Variants in DDX50 observed in about 807,000 individuals in gnomAD.
DDX50 encodes ATP-dependent RNA helicase DDX50.
In DDX50, 56 loss-of-function variants were observed where a neutral mutation model predicts 94.8. The ratio of observed to expected loss-of-function variants is 0.59; its 90% CI spans 0.48 to 0.74. The LOEUF (loss-of-function observed/expected upper bound fraction) is 0.74, where lower values mean the gene tolerates loss of function less well. Among genes scored for constraint, DDX50 ranks in the 30% least tolerant of loss-of-function variants. DDX50 has a pLI of 0.00. For synonymous variants in DDX50, 264 were observed against 295.4 expected (o/e 0.89, Z 1.09); for missense variants, 713 against 881.2 (o/e 0.81, Z 2.42).
intron 7 of DDX50, among the ~76,000 whole-genome samples, chr10:68,914,688 TAA>T (rs1841730709): frequency 6.6e-6 from 1 of 152,190 alleles, no homozygotes; most frequent in Non-Finnish European, 1.5e-5. Context: ...CGTAGGTGAA[TAA>T]AGAGTTTTTT....
chr10:68,909,693 G>A (rs140367977), intron 2 of DDX50, among the ~76,000 whole-genome samples: 10 of 151,748 alleles, frequency 6.6e-5, no homozygotes, highest in South Asian at 2.1e-4. Flanking sequence ...ACAGAGTTTC[G>A]CTCTTGTTGC....
intron 8 of DDX50, among the ~76,000 whole-genome samples, chr10:68,932,228 A>G (rs1361775170): frequency 6.6e-6 from 1 of 152,184 alleles, no homozygotes; most frequent in East Asian, 1.9e-4. Flanking sequence ...TTAGATACCA[A>G]GGCTGAAATA....
chr10:68,902,445 C>G (rs747796208), intron 1 of DDX50, among the ~76,000 whole-genome samples: 2 of 152,164 alleles, frequency 1.3e-5, no homozygotes, highest in Non-Finnish European at 2.9e-5. Flanking sequence ...GCCATTTCAG[C>G]TAACACTTTT....
intron 8 of DDX50, among the ~76,000 whole-genome samples, chr10:68,929,063 G>T (rs565542072): frequency 1.3e-5 from 2 of 150,890 alleles, no homozygotes; most frequent in South Asian, 2.1e-4. Context: ...ATTCTCCTGC[G>T]TCAGCCTCCC....
chr10:68,901,533 T>C (rs1343317475), intron 1 of DDX50, 62 bp downstream of exon 1: 92 of 1,498,402 alleles, frequency 6.1e-5, no homozygotes, highest in Non-Finnish European at 3.6e-6. Context: ...GGAGGGGAAC[T>C]GTCTGTCCCT....
intron 8 of DDX50, among the ~76,000 whole-genome samples, chr10:68,927,247 T>TTA (rs1444380104): frequency 2.6e-5 from 4 of 152,206 alleles, no homozygotes; most frequent in Non-Finnish European, 4.4e-5. Context: ...ACTGTCCAAC[T>TTA]TATTTATAGT....
Position 68,934,216 on chromosome 10 carries a change from T to TG in DDX50, c.1261dup (p.Asp421GlyfsTer18), listed in dbSNP as rs1359825678. ...TCAAATAGAATGCCCAGTGTTTACA[T>TG]GGGGACATTGCACAGTCACAAAGAG... On this transcript the variant is annotated frameshift_variant, in exon 9 of 15. Coordinates refer to ENST00000373585, the MANE Select transcript of DDX50 (RefSeq NM_024045.2). LOFTEE classifies it high-confidence loss of function. The surrounding 1 kb of genome is among the most constrained non-coding windows in gnomAD (Gnocchi z 4.0). The TG allele has an allele frequency of 1.2e-6, 2 of 1,611,786 alleles. No homozygotes were observed. Among genetic ancestry groups the TG allele is most frequent in the Non-Finnish European group, 1.7e-6 (2 of 1,179,736 alleles).
intron 10 of DDX50, among the ~76,000 whole-genome samples, chr10:68,935,672 T>G (rs1478345532): frequency 3.3e-5 from 5 of 152,006 alleles, no homozygotes; most frequent in African/African-American, 9.7e-5. Flanking sequence ...CCATCTCTAC[T>G]AAAAATACCA....
Position 68,934,928 on chromosome 10 carries a change from G to A in DDX50, c.1521+10G>A, listed in dbSNP as rs1842368949. 1.9e-6 allele frequency: 3 copies of A among 1,608,936 alleles called. No homozygotes were observed. The highest frequency in any genetic ancestry group is 2.5e-6 in the Non-Finnish European group (3 of 1,178,038). ...TGTGGAACAAAAAGCAGTAAGTAGA[G>A]TTAAATTATTTCAGGCTTATTGTCT... On this transcript the variant is annotated intron_variant, in intron 10 of 14. Transcript: ENST00000373585. This position sits in a 1 kb window ranked among gnomAD's most constrained non-coding sequence, Gnocchi z 4.0.
At chr10:68,940,414 G>T (rs1842528685) in intron 12 of DDX50, among the ~76,000 whole-genome samples, 1 of 150,474 alleles carries the variant, frequency 6.6e-6, no homozygotes, top group Non-Finnish European at 1.5e-5. Flanking sequence ...AATTTATGTT[G>T]TATTTACTTT....
intron 12 of DDX50, among the ~76,000 whole-genome samples, chr10:68,938,271 C>CTG (rs1217944019): frequency 2.0e-5 from 3 of 152,048 alleles, no homozygotes; most frequent in Admixed American, 6.6e-5. Context: ...TAAGAAATGC[C>CTG]TGTGTGTGTG....
At chr10:68,907,273 C>T (rs534352628) in intron 2 of DDX50, among the ~76,000 whole-genome samples, 4 of 149,152 alleles carry the variant, frequency 2.7e-5, no homozygotes, top group African/African-American at 7.4e-5. Context: ...TAAAGTTATT[C>T]GGAATTGCTT....
At chr10:68,922,945 C>T (rs1259557058) in intron 8 of DDX50, among the ~76,000 whole-genome samples, 1 of 150,878 alleles carries the variant, frequency 6.6e-6, no homozygotes, top group Non-Finnish European at 1.5e-5. Context: ...GCGCATGCCA[C>T]CACACCCAGC....
intron 1 of DDX50, among the ~76,000 whole-genome samples, chr10:68,902,451 C>A (rs1841320952): frequency 6.6e-6 from 1 of 152,162 alleles, no homozygotes; most frequent in Admixed American, 6.5e-5. Flanking sequence ...TCAGCTAACA[C>A]TTTTATTGTG....
intron 4 of DDX50, among the ~76,000 whole-genome samples, 175 bp from the exon 5 acceptor site, chr10:68,912,987 G>A (rs943270615): frequency 2.6e-5 from 4 of 152,106 alleles, no homozygotes; most frequent in African/African-American, 7.2e-5. Flanking sequence ...AAGTAAGGGG[G>A]GAATGTAATA....
At chr10:68,905,894 C>G (rs1841431810) in intron 1 of DDX50, among the ~76,000 whole-genome samples, 1 of 152,156 alleles carries the variant, frequency 6.6e-6, no homozygotes, top group Non-Finnish European at 1.5e-5. Flanking sequence ...GCCTGGGTGA[C>G]AGAGCAAAAC....
intron 4 of DDX50, 143 bp downstream of exon 4, chr10:68,911,389 AAG>A: frequency 1.1e-6 from 1 of 874,032 alleles, no homozygotes; most frequent in Non-Finnish European, 1.6e-6. Context: ...TTTTCACAAA[AAG>A]AAATTTCAAG....
intron 8 of DDX50, among the ~76,000 whole-genome samples, chr10:68,931,312 C>A (rs1842255199): frequency 6.7e-6 from 1 of 149,528 alleles, no homozygotes; most frequent in Admixed American, 6.7e-5. Flanking sequence ...CACCGATAAC[C>A]TCTTTATTTC....
At chr10:68,905,341 A>G (rs1198317978) in intron 1 of DDX50, among the ~76,000 whole-genome samples, 1 of 150,208 alleles carries the variant, frequency 6.7e-6, no homozygotes, top group Non-Finnish European at 1.5e-5. Context: ...AATTAACTGA[A>G]TTTAAAACGT....
Sources: gnomAD v4.1 joint callset for allele counts (sites outside exome capture counted in the v4.1 genomes callset) on GRCh38, gnomAD v4.1.1 for gene constraint, Gnocchi (gnomAD v3.1) non-coding constraint, MANE v1.5 for transcripts, NCBI Gene and HGNC (gene_info 2026-07-23, HGNC 2026-07-21) for gene names.